Variants in DLGAP2 observed in about 807,000 individuals in gnomAD.
The protein encoded by DLGAP2 is disks large-associated protein 2.
A neutral mutation model predicts 100.3 loss-of-function variants in DLGAP2; 26 were observed. The observed-to-expected ratio is 0.26, with a 90% CI of 0.19 to 0.36. The LOEUF (loss-of-function observed/expected upper bound fraction) is 0.36. DLGAP2 is among the 10% of genes least tolerant of loss of function. The probability of loss-of-function intolerance (pLI) is 1.00; values close to 1 mark genes in which losing one functional copy is unlikely to be tolerated. For synonymous variants in DLGAP2, 886 were observed against 630.1 expected, an observed-to-expected ratio of 1.41 and a Z score of -6.08; for missense variants, 1,858 against 1,453.2, an observed-to-expected ratio of 1.28 and a Z score of -4.53.
intron 2 of DLGAP2, among the ~76,000 whole-genome samples, chr8:1,111,056 C>T (rs1804941125): frequency 6.6e-6 from 1 of 152,234 alleles, no homozygotes; most frequent in Non-Finnish European, 1.5e-5. Flanking sequence ...CGTGTGCCAC[C>T]TGCACGCCAC....
chr8:1,325,292 G>C (rs1055873451), intron 3 of DLGAP2, among the ~76,000 whole-genome samples: 2 of 152,160 alleles, frequency 1.3e-5, no homozygotes, highest in Non-Finnish European at 2.9e-5. Flanking sequence ...TTCTTTCCTG[G>C]ACCAAGGAAG....
Position 1,097,686 on chromosome 8 carries a change from G to T in DLGAP2, c.74-161165G>T, listed in dbSNP as rs546880098. 4.5e-5 allele frequency among the ~76,000 whole-genome samples: 6 copies of T among 132,034 alleles called. 1 individual carries two copies. Among genetic ancestry groups the T allele is most frequent in the Admixed American group, 7.7e-5 (1 of 12,924 alleles). The allele number at this position is 132,034 out of a possible 152,430, so 86.6% of individuals were successfully genotyped here. ...GCAGGCCTTCACCCTCTGTGGCATG[G>T]AGAGGTCTCCTCCAGTGTGAGACCC... On this transcript the variant is annotated intron_variant, in intron 2 of 14. Transcript: ENST00000637795.
At chr8:1,546,465 C>T (rs1392810710) in intron 4 of DLGAP2, among the ~76,000 whole-genome samples, 1 of 152,240 alleles carries the variant, frequency 6.6e-6, no homozygotes, top group Non-Finnish European at 1.5e-5. Context: ...TTCCTTATCC[C>T]ATGTTTCCAT....
chr8:980,655 C>A (rs887317737), intron 2 of DLGAP2, among the ~76,000 whole-genome samples: 1 of 152,120 alleles, frequency 6.6e-6, no homozygotes, highest in African/African-American at 2.4e-5. Context: ...GAGGAGGAGT[C>A]AGTTAAAGCA....
chr8:958,709 A>G (rs1799653704), intron 2 of DLGAP2, among the ~76,000 whole-genome samples: 1 of 152,186 alleles, frequency 6.6e-6, no homozygotes, highest in South Asian at 2.1e-4. Flanking sequence ...TTCTGTATCT[A>G]GCATACCAAA....
chr8:1,162,410 A>G (rs184399095), intron 2 of DLGAP2, among the ~76,000 whole-genome samples: 1 of 152,354 alleles, frequency 6.6e-6, no homozygotes, highest in East Asian at 1.9e-4. Context: ...ATTGTTTTCA[A>G]TAGGAAAATG....
intron 1 of DLGAP2, among the ~76,000 whole-genome samples, chr8:851,337 C>T (rs984950684): frequency 6.6e-6 from 1 of 152,156 alleles, no homozygotes; most frequent in African/African-American, 2.4e-5. Context: ...GGACGTAGCC[C>T]CATTGCTAAG....
intron 3 of DLGAP2, among the ~76,000 whole-genome samples, chr8:1,381,710 C>T (rs1205668923): frequency 6.6e-6 from 1 of 152,030 alleles, no homozygotes; most frequent in Non-Finnish European, 1.5e-5. Flanking sequence ...CACTCAGCAT[C>T]ATGTCCTCCA....
At chr8:1,411,127 TGGAAACCCAACA>T (rs1796719048) in intron 3 of DLGAP2, among the ~76,000 whole-genome samples, 1 of 152,214 alleles carries the variant, frequency 6.6e-6, no homozygotes, top group African/African-American at 2.4e-5. Flanking sequence ...TCTCTTGTTC[TGGAAACCCAACA>T]TCTCCTAATT....
intron 3 of DLGAP2, among the ~76,000 whole-genome samples, chr8:1,325,086 A>G (rs1038206045): frequency 1.3e-5 from 2 of 152,104 alleles, no homozygotes; most frequent in African/African-American, 4.8e-5. Flanking sequence ...CTTGGCCTCC[A>G]CCTCACCCAA....
rs535538930 is a variant in DLGAP2 at position 1,362,381 on chromosome 8, A to G, written c.106+103498A>G. ...GTAGGTTGCCCCTTCTTGATCTTCC[A>G]TCTTCCCATGTCCCATGCGGACAGC... On this transcript the variant is annotated intron_variant, in intron 3 of 14. Transcript: ENST00000637795. Among the ~76,000 whole-genome samples, 12 of 126,372 alleles carry G rather than the reference A, an allele frequency of 9.5e-5. No homozygotes were observed. In the East Asian group the frequency reaches 2.2e-3, roughly 23 times the overall value. 82.9% of individuals were successfully genotyped at this position (126,372 alleles called of 152,430 possible).
At chr8:762,706 C>G (rs1020565966) in intron 1 of DLGAP2, among the ~76,000 whole-genome samples, 5 of 152,084 alleles carry the variant, frequency 3.3e-5, no homozygotes, top group East Asian at 3.9e-4. Context: ...GGGTCTCACT[C>G]TAGCCCAGGC....
At chr8:1,047,069 C>T (rs59259831) in intron 2 of DLGAP2, among the ~76,000 whole-genome samples, 10,177 of 152,170 alleles carry the variant, frequency 0.067, 1,096 homozygotes, top group African/African-American at 0.23. Flanking sequence ...AGTTGTGCAG[C>T]CATCACCACT....
chr8:878,001 G>A (rs145446103), intron 1 of DLGAP2, among the ~76,000 whole-genome samples: 4 of 152,306 alleles, frequency 2.6e-5, no homozygotes, highest in African/African-American at 7.2e-5. Flanking sequence ...AGCTTCTCTT[G>A]AAAGATATTT....
At chr8:1,051,585 C>G (rs1015901063) in intron 2 of DLGAP2, among the ~76,000 whole-genome samples, 1 of 152,200 alleles carries the variant, frequency 6.6e-6, no homozygotes, top group African/African-American at 2.4e-5. Context: ...TAGAAATAGA[C>G]TTGCTACTAT....
chr8:1,449,326 C>G (rs894481509), intron 3 of DLGAP2, among the ~76,000 whole-genome samples: 13 of 152,206 alleles, frequency 8.5e-5, no homozygotes, highest in African/African-American at 2.9e-4. Flanking sequence ...TGAAGGGTCA[C>G]TGGGGCATGG....
intron 2 of DLGAP2, among the ~76,000 whole-genome samples, chr8:925,272 A>C (rs1241925932): frequency 6.6e-6 from 1 of 152,082 alleles, no homozygotes; most frequent in African/African-American, 2.4e-5. Flanking sequence ...TGCTCAGCTA[A>C]TTTTTATTTT....
chr8:1,476,851 C>A (rs1194664809), intron 3 of DLGAP2, among the ~76,000 whole-genome samples: 2 of 151,544 alleles, frequency 1.3e-5, no homozygotes, highest in African/African-American at 4.9e-5. Context: ...TTCTGCAGAC[C>A]CACCCGTGAT....
chr8:922,792 A>C (rs1296176424), intron 2 of DLGAP2, among the ~76,000 whole-genome samples: 3 of 152,244 alleles, frequency 2.0e-5, no homozygotes, highest in Admixed American at 6.5e-5. Context: ...GGTGGCACAT[A>C]AATCAAATTG....
Sources: gnomAD v4.1 joint callset for allele counts (sites outside exome capture counted in the v4.1 genomes callset) on GRCh38, gnomAD v4.1.1 for gene constraint, MANE v1.5 for transcripts, NCBI Gene and HGNC (gene_info 2026-07-23, HGNC 2026-07-21) for gene names.